The following SCOC variants were observed in gnomAD, a reference collection of about 807,000 sequenced individuals.
The protein encoded by SCOC is short coiled coil protein.
A neutral mutation model predicts 9.9 loss-of-function variants in SCOC; 7 were observed. The ratio of observed to expected loss-of-function variants is 0.71; its 90% CI spans 0.40 to 1.33. The LOEUF is 1.33. Among genes scored for constraint, SCOC ranks in the 40% most tolerant of loss-of-function variants. The pLI, the probability that SCOC is intolerant of heterozygous loss-of-function variation, is 0.01. For synonymous variants in SCOC, 19 were observed against 28.2 expected (o/e 0.67, Z 1.03); for missense variants, 66 against 89.7 (o/e 0.74, Z 1.07).
chr4:140,374,113 G>T (rs1274016988), intron 1 of SCOC: 3 of 467,616 alleles, frequency 6.4e-6, no homozygotes, highest in South Asian at 3.1e-5. Flanking sequence ...TCCCGTGGCT[G>T]CTCTGCGAGA....
intron 1 of SCOC, among the ~76,000 whole-genome samples, chr4:140,334,043 G>A (rs1444837856): frequency 6.6e-6 from 1 of 152,002 alleles, no homozygotes; most frequent in East Asian, 1.9e-4. Context: ...TCAGCCTCCT[G>A]AGTAGCTGGG....
At chr4:140,338,493 A>C (rs939874405), upstream of SCOC, among the ~76,000 whole-genome samples, 2 of 152,232 alleles carry the variant, frequency 1.3e-5, no homozygotes, top group Admixed American at 6.5e-5. Context: ...CAATCAGGAA[A>C]AGAGGAAGTC....
upstream of SCOC, among the ~76,000 whole-genome samples, chr4:140,370,458 T>C (rs1051718576): frequency 5.3e-5 from 8 of 152,194 alleles, no homozygotes. Flanking sequence ...TTCGTAACTT[T>C]CAAAAATACT....
chr4:140,311,846 T>G (rs1436363187), intron 1 of SCOC, among the ~76,000 whole-genome samples: 1 of 152,182 alleles, frequency 6.6e-6, no homozygotes, highest in Non-Finnish European at 1.5e-5. Context: ...GCCTGGCAAG[T>G]AGTTAGCCCT....
intron 1 of SCOC, among the ~76,000 whole-genome samples, chr4:140,337,282 CT>C (rs1398556595): frequency 6.6e-6 from 1 of 151,966 alleles, no homozygotes; most frequent in Non-Finnish European, 1.5e-5. Flanking sequence ...GTTGCTTGTG[CT>C]TTTAGTGTCA....
chr4:140,302,557 C>T (rs925780428), intron 1 of SCOC, among the ~76,000 whole-genome samples: 1 of 152,194 alleles, frequency 6.6e-6, no homozygotes, highest in African/African-American at 2.4e-5. Flanking sequence ...CCCATTCATA[C>T]ATGAAACTTT....
chr4:140,292,120 G>T (rs1217342965), intron 1 of SCOC, among the ~76,000 whole-genome samples: 1 of 150,804 alleles, frequency 6.6e-6, no homozygotes, highest in Non-Finnish European at 1.5e-5. Flanking sequence ...CATCTCTGTT[G>T]CCCCCCATCT....
In SCOC at chr4:140,332,359, C is replaced by CTTTT. The variant is rs70943486; in HGVS notation, c.-18-11235_-18-11232dup. Reference sequence around the variant, plus strand: ...CTCATGCCAAAAACTCTGGAGTCATCTTTTTTTTTTTTTTTTTTTTTTTTT... The same window carrying CTTTT: ...CTCATGCCAAAAACTCTGGAGTCATCTTTTTTTTTTTTTTTTTTTTTTTTTTTTT... On this transcript the variant is annotated intron_variant, in intron 1 of 4. Transcript: ENST00000394205. Among the ~76,000 whole-genome samples, 44 of 76,820 alleles carry CTTTT rather than the reference C, an allele frequency of 5.7e-4. 3 individuals carry two copies. Among genetic ancestry groups the CTTTT allele is most frequent in the South Asian group, 1.4e-3 (3 of 2,140 alleles). The allele number at this position is 76,820 out of a possible 152,430, so 50.4% of individuals were successfully genotyped here.
chr4:140,261,813 G>T (rs1730639454), intron 1 of SCOC, among the ~76,000 whole-genome samples: 2 of 152,178 alleles, frequency 1.3e-5, no homozygotes, highest in South Asian at 2.1e-4. Context: ...TGGGCTGGAG[G>T]TGTTGAAGGA....
At chr4:140,341,263 C>G (rs541895824), upstream of SCOC, among the ~76,000 whole-genome samples, 85 of 152,034 alleles carry the variant, frequency 5.6e-4, no homozygotes, top group Non-Finnish European at 1.0e-3. Flanking sequence ...GCAAATACAC[C>G]CTTTGGTTTA....
intron 2 of SCOC, chr4:140,366,756 C>T (rs1207349792): frequency 3.9e-6 from 6 of 1,519,964 alleles, no homozygotes; most frequent in Non-Finnish European, 5.5e-6. Context: ...CAACCAAAGC[C>T]CTGTTTTGAT....
At chr4:140,260,937 G>T (rs761749516) in intron 1 of SCOC, among the ~76,000 whole-genome samples, 34 of 152,166 alleles carry the variant, frequency 2.2e-4, no homozygotes, top group Non-Finnish European at 4.9e-4. Flanking sequence ...CTTAATAATT[G>T]CATTTCCTTA....
At chr4:140,279,683 T>A (rs1198747961) in intron 1 of SCOC, among the ~76,000 whole-genome samples, 2 of 152,332 alleles carry the variant, frequency 1.3e-5, no homozygotes, top group African/African-American at 4.8e-5. Context: ...ACTGTGCTGT[T>A]CTCCCGTGAT....
chr4:140,331,496 T>G (rs570898715), intron 1 of SCOC, among the ~76,000 whole-genome samples: 2 of 152,322 alleles, frequency 1.3e-5, no homozygotes, highest in African/African-American at 4.8e-5. Context: ...ACATCTTACA[T>G]GGGATCATCC....
intron 1 of SCOC, among the ~76,000 whole-genome samples, chr4:140,280,521 C>T (rs1237249365): frequency 7.2e-5 from 11 of 152,180 alleles, no homozygotes; most frequent in African/African-American, 2.7e-4. Flanking sequence ...ATGCTTCTCT[C>T]TCCCTTTAGT....
chr4:140,371,529 G>A (rs186107433), upstream of SCOC, among the ~76,000 whole-genome samples: 16 of 152,036 alleles, frequency 1.1e-4, no homozygotes, highest in Admixed American at 7.9e-4. Context: ...TATATCCCAC[G>A]AACAGTTACT....
intron 1 of SCOC, among the ~76,000 whole-genome samples, chr4:140,317,059 G>C (rs920928993): frequency 1.3e-5 from 2 of 152,062 alleles, no homozygotes; most frequent in Non-Finnish European, 1.5e-5. Flanking sequence ...AGGTTTCCAC[G>C]AACACTTCCG....
intron 1 of SCOC, among the ~76,000 whole-genome samples, chr4:140,330,069 AATGAGTGGCTAAAGAAAGTGTGGTAT>A (rs1490529575): frequency 6.6e-6 from 1 of 152,230 alleles, no homozygotes; most frequent in Non-Finnish European, 1.5e-5. Flanking sequence ...CCCATCAGTC[AATGAGTGGCTAAAGAAAGTGTGGTAT>A]ATGTATATAT....
chr4:140,301,431 C>T (rs1229163866), intron 1 of SCOC, among the ~76,000 whole-genome samples: 1 of 152,210 alleles, frequency 6.6e-6, no homozygotes, highest in Non-Finnish European at 1.5e-5. Flanking sequence ...ACACTCTTCA[C>T]TGCTACATAT....
Sources: gnomAD v4.1 joint callset for allele counts (sites outside exome capture counted in the v4.1 genomes callset) on GRCh38, gnomAD v4.1.1 for gene constraint, MANE v1.5 for transcripts, NCBI Gene and HGNC (gene_info 2026-07-23, HGNC 2026-07-21) for gene names.